The following FERMT3 variants were observed in gnomAD, a reference collection of about 807,000 sequenced individuals.
FERMT3 encodes fermitin family homolog 3.
A neutral mutation model predicts 80.8 loss-of-function variants in FERMT3; 33 were observed. The observed-to-expected ratio is 0.41, with a 90% CI of 0.31 to 0.55. The LOEUF (loss-of-function observed/expected upper bound fraction) is 0.55. FERMT3 is among the 20% of genes least tolerant of loss of function. The pLI, the probability that FERMT3 is intolerant of heterozygous loss-of-function variation, is 0.31. For missense variants in FERMT3, 754 were observed against 908.7 expected (o/e 0.83, Z 2.19); for synonymous variants, 375 against 372.2 (o/e 1.01, Z -0.09).
chr11:64,208,824 G>T (rs112715953), intron 2 of FERMT3, among the ~76,000 whole-genome samples: 33 of 152,304 alleles, frequency 2.2e-4, no homozygotes, highest in African/African-American at 7.7e-4. Context: ...CTGGTGCCTG[G>T]CCAGCTCTGC....
chr11:64,219,808 T>A lies in FERMT3; in HGVS notation c.1079+19T>A. ...TCTTTCGGTGAGTTGGGGGCCAGAG[T>A]AGGCAGCCCTGCTGGAGGGGTTGGT... On this transcript the variant is annotated intron_variant, in intron 9 of 14. Transcript: ENST00000345728. This position sits in a 1 kb window ranked among gnomAD's most constrained non-coding sequence, Gnocchi z 4.0. 2 of 1,613,670 alleles carry A rather than the reference T, an allele frequency of 1.2e-6. No homozygotes were observed. The highest frequency in any genetic ancestry group is 1.7e-6 in the Non-Finnish European group (2 of 1,179,896).
rs1946617599 is a variant in FERMT3 at position 64,219,217 on chromosome 11, G to T, written c.787-34G>T. 1.3e-6 allele frequency: 2 copies of T among 1,550,438 alleles called. No homozygotes were observed. Among genetic ancestry groups the T allele is most frequent in the Admixed American group, 3.9e-5 (2 of 51,516 alleles). On this transcript the variant is annotated intron_variant, in intron 6 of 14. Transcript: ENST00000345728. This position sits in a 1 kb window ranked among gnomAD's most constrained non-coding sequence, Gnocchi z 4.0. ...GTCCAGGGCAGCTGGCATCTGACCA[G>T]CCCAGCCTCCAGCCTCCTCTCCCCC... is the stretch of plus-strand genomic sequence containing the variant.
intron 13 of FERMT3, among the ~76,000 whole-genome samples, chr11:64,222,045 C>T (rs1167904020): frequency 6.6e-6 from 1 of 151,924 alleles, no homozygotes; most frequent in Non-Finnish European, 1.5e-5. Flanking sequence ...GTGAGACCAG[C>T]CTGACCAACA....
Position 64,211,042 on chromosome 11 carries a change from C to T in FERMT3, c.395-10C>T, listed in dbSNP as rs1259281702. ...GACCTAGTCCCCGCTGAGACCCTAG[C>T]TCCCCTCAGGCATCCGGCACCCCGA... On this transcript the variant is annotated splice_polypyrimidine_tract_variant and intron_variant, in intron 3 of 14. Transcript: ENST00000345728. The surrounding 1 kb of genome is among the most constrained non-coding windows in gnomAD (Gnocchi z 4.7). The T allele has an allele frequency of 5.6e-6, 9 of 1,604,088 alleles. No homozygotes were observed. The highest frequency in any genetic ancestry group is 1.3e-5 in the African/African-American group (1 of 74,532).
At position 64,219,961 on chromosome 11, in the gene FERMT3, T is replaced by C; in HGVS notation, c.1150T>C (p.Tyr384His). ...VVFKETTLSY[Y>H]KSQDEAPGDP... is the part of the protein sequence containing the mutation. ...GTTCAAGGAGACCACACTGTCCTAC[T>C]ACAAGAGCCAGGACGAGGCCCCTGG... Residue 384 changes from tyrosine to histidine, a missense_variant, in exon 10 of 15, where the codon TAC (tyrosine) becomes CAC (histidine). Coordinates refer to ENST00000345728, the MANE Select transcript of FERMT3 (RefSeq NM_031471.6). The surrounding 1 kb of genome is among the most constrained non-coding windows in gnomAD (Gnocchi z 4.0). The C allele has an allele frequency of 6.2e-7, 1 of 1,613,674 alleles. No individual in the cohort carries two copies. Among genetic ancestry groups the C allele is most frequent in the Non-Finnish European group, 8.5e-7 (1 of 1,179,964 alleles).
chr11:64,207,562 T>G (rs369873469), intron 2 of FERMT3, 38 bp downstream of exon 2: 1 of 1,573,800 alleles, frequency 6.4e-7, no homozygotes. Flanking sequence ...CTCGGCACCA[T>G]GGGCGGCCGC....
In FERMT3 at chr11:64,223,715, C is replaced by T; in HGVS notation, c.*223C>T. Reference sequence around the variant, plus strand: ...TGGGGGTCCCTGAGCTCATGTGGTGCCCCCTTTCCTTGTCTGAGTGGCTGA... The same window carrying T: ...TGGGGGTCCCTGAGCTCATGTGGTGTCCCCTTTCCTTGTCTGAGTGGCTGA... On this transcript the variant is annotated 3_prime_UTR_variant, in exon 15 of 15. Coordinates refer to ENST00000345728, the MANE Select transcript of FERMT3 (RefSeq NM_031471.6). 1 of 749,576 alleles carries T rather than the reference C, an allele frequency of 1.3e-6. No individual in the cohort carries two copies. The highest frequency in any genetic ancestry group is 1.8e-5 in the South Asian group (1 of 55,334). The allele number at this position is 749,576 out of a possible 1,614,324, so 46.4% of individuals were successfully genotyped here.
Position 64,211,394 on chromosome 11 carries a change from C to A in FERMT3, c.634C>A (p.Arg212Ser), listed in dbSNP as rs369072342. Residue 212 changes from arginine to serine, a missense_variant, in exon 5 of 15, where the codon CGT (arginine) becomes AGT (serine). Coordinates refer to ENST00000345728, the MANE Select transcript of FERMT3 (RefSeq NM_031471.6). This position sits in a 1 kb window ranked among gnomAD's most constrained non-coding sequence, Gnocchi z 4.7. ...QPPPDPLLLQ[R>S]LPRPSSLSDK... ...GCCACCCGACCCCCTCCTGCTCCAG[C>A]GTCTGCCACGGCCCAGCTCCCTGTC... The A allele has an allele frequency of 6.2e-7, 1 of 1,605,376 alleles. No homozygotes were observed. Among genetic ancestry groups the A allele is most frequent in the East Asian group, 2.2e-5 (1 of 44,464 alleles).
intron 6 of FERMT3, among the ~76,000 whole-genome samples, chr11:64,212,546 C>T (rs1372597879): frequency 6.6e-6 from 1 of 152,214 alleles, no homozygotes; most frequent in Non-Finnish European, 1.5e-5. Flanking sequence ...GTTCCCTGGC[C>T]ATGTCCCACC....
rs374719846 is a variant in FERMT3, at chr11:64,210,522, G to A, written c.161-89G>A. 6.2e-5 allele frequency: 84 copies of A among 1,344,650 alleles called. 1 individual carries two copies. In the South Asian group the frequency reaches 8.9e-4, roughly 14 times the overall value. 83.3% of individuals were successfully genotyped at this position (1,344,650 alleles called of 1,614,324 possible). Reference sequence around the variant, plus strand: ...GCTTAGGCAGGGCAGGGGAGTGGTCGCCCCAGGCTTCTGAATCCTGGGGTT... The same window carrying A: ...GCTTAGGCAGGGCAGGGGAGTGGTCACCCCAGGCTTCTGAATCCTGGGGTT... On this transcript the variant is annotated intron_variant, in intron 2 of 14. Transcript: ENST00000345728. This position sits in a 1 kb window ranked among gnomAD's most constrained non-coding sequence, Gnocchi z 4.3.
chr11:64,220,418 C>T lies in FERMT3; in HGVS notation c.1312-18C>T. On this transcript the variant is annotated intron_variant, in intron 11 of 14. Coordinates refer to ENST00000345728, the MANE Select transcript of FERMT3 (RefSeq NM_031471.6). ...ATCAAGCTTGGTTAGCACTGTCCCC[C>T]TCACCCCTCTCGCCCAGGAGCAGCA... 2 of 1,610,272 alleles carry T rather than the reference C, an allele frequency of 1.2e-6. No individual in the cohort carries two copies. The highest frequency in any genetic ancestry group is 2.7e-5 in the African/African-American group (2 of 75,038).
Position 64,211,601 on chromosome 11 carries a change from C to T in FERMT3, c.684-44C>T, listed in dbSNP as rs1946441514. ...CCCAGCCCCCCTCCCCACCCCACGG[C>T]CGTACCTGGCGCAGCCCTGACTGCT... On this transcript the variant is annotated intron_variant, in intron 5 of 14. Coordinates refer to ENST00000345728, the MANE Select transcript of FERMT3 (RefSeq NM_031471.6). The surrounding 1 kb of genome is among the most constrained non-coding windows in gnomAD (Gnocchi z 4.7). The T allele has an allele frequency of 1.2e-6, 2 of 1,600,524 alleles. No homozygotes were observed.
At chr11:64,223,886 ATCC>A (rs1287451164) in exon 15 of FERMT3, 3 of 1,599,232 alleles carry the variant, frequency 1.9e-6, no homozygotes, top group South Asian at 1.1e-5. Flanking sequence ...TTATTGTTGG[ATCC>A]TCCTCCTTTC....
rs1380719130 is a variant in FERMT3, at chr11:64,223,472, G to A, written c.1972G>A (p.Gly658Arg). 2 of 1,610,422 alleles carry A rather than the reference G, an allele frequency of 1.2e-6. No individual in the cohort carries two copies. The highest frequency in any genetic ancestry group is 1.7e-5 in the Admixed American group (1 of 59,966). ...TGAAGACCTCTTCCTGCAGCTCACCGGGGGCCATGAGGCCTTCTGAGGGCT... is the reference window on the plus strand; with the variant it reads ...TGAAGACCTCTTCCTGCAGCTCACCAGGGGCCATGAGGCCTTCTGAGGGCT... ...LDEDLFLQLT[G>R]GHEAF The change falls in exon 15 of 15, where the codon GGG becomes AGG. Residue 658 changes from glycine to arginine, a missense_variant. Physicochemically the swap from Gly to Arg is moderately radical, Grantham distance 125 (BLOSUM62 -2). Coordinates refer to ENST00000345728, the MANE Select transcript of FERMT3 (RefSeq NM_031471.6).
At position 64,211,844 on chromosome 11, in the gene FERMT3, G is replaced by A. The variant is rs1824428073; in HGVS notation, c.786+97G>A. 4 of 1,199,060 alleles carry A rather than the reference G, an allele frequency of 3.3e-6. No individual in the cohort carries two copies. The highest frequency in any genetic ancestry group is 4.9e-6 in the Non-Finnish European group (4 of 813,612). The allele number at this position is 1,199,060 out of a possible 1,614,324, so 74.3% of individuals were successfully genotyped here. ...TCTGGGATGTTAGTGACTTGTAGTG[G>A]CCTGTCCGTCTGCCCGTTTGTCCAT... On this transcript the variant is annotated intron_variant, in intron 6 of 14. Transcript: ENST00000345728. This position sits in a 1 kb window ranked among gnomAD's most constrained non-coding sequence, Gnocchi z 4.7.
rs1030599216 is a variant in FERMT3, at chr11:64,211,915, C to G, written c.786+168C>G. Reference sequence around the variant, plus strand: ...CCCACAAACACCCACTGAAACTCATCTACTCACCTCAGCATCAGGCCAGGT... The same window carrying G: ...CCCACAAACACCCACTGAAACTCATGTACTCACCTCAGCATCAGGCCAGGT... On this transcript the variant is annotated intron_variant, in intron 6 of 14. Transcript: ENST00000345728. The surrounding 1 kb of genome is among the most constrained non-coding windows in gnomAD (Gnocchi z 4.7). Among the ~76,000 whole-genome samples the G allele has an allele frequency of 7.9e-5, 12 of 152,224 alleles. No homozygotes were observed. Among genetic ancestry groups the G allele is most frequent in the Non-Finnish European group, 1.8e-4 (12 of 68,040 alleles).
chr11:64,213,241 C>T (rs1248199693), intron 6 of FERMT3, among the ~76,000 whole-genome samples: 2 of 151,934 alleles, frequency 1.3e-5, no homozygotes, highest in Non-Finnish European at 2.9e-5. Context: ...ATTGGTCAGG[C>T]TGGTCTCGAA....
In FERMT3 at chr11:64,207,407, T is replaced by A. The variant is rs1287375235; in HGVS notation, c.43T>A (p.Ser15Thr). The change falls in exon 2 of 15, where the codon TCA (serine) becomes ACA (threonine). Residue 15 changes from serine (S) to threonine (T), a missense_variant. Transcript: ENST00000345728. ...AGCCTCCGGGGACTACATCGACTCG[T>A]CATGGGAGCTGCGGGTGTTTGTGGG... is the stretch of plus-strand genomic sequence containing the variant. The part of the protein sequence containing the change: ...KTASGDYIDS[S>T]WELRVFVGEE... 6.2e-7 allele frequency: 1 copy of A among 1,613,976 alleles called. No individual in the cohort carries two copies. Among genetic ancestry groups the A allele is most frequent in the Non-Finnish European group, 8.5e-7 (1 of 1,179,990 alleles).
intron 6 of FERMT3, among the ~76,000 whole-genome samples, chr11:64,215,704 G>A (rs137984163): frequency 6.6e-4 from 100 of 152,218 alleles, no homozygotes; most frequent in Non-Finnish European, 1.2e-3. Context: ...TTCCTGAGTG[G>A]CTGGGGCTAC....
Sources: allele counts gnomAD v4.1 joint callset (sites outside exome capture counted in the v4.1 genomes callset), GRCh38; gene constraint gnomAD v4.1.1; non-coding constraint Gnocchi (gnomAD v3.1); transcripts MANE v1.5; gene names NCBI Gene and HGNC (gene_info 2026-07-23, HGNC 2026-07-21).